PHACTR1: variants seen among roughly 807,000 people sequenced by gnomAD.
The protein encoded by PHACTR1 is phosphatase and actin regulator 1.
A neutral mutation model predicts 69.2 loss-of-function variants in PHACTR1; 16 were observed. That is an observed-to-expected ratio of 0.23 (90% confidence interval 0.16 to 0.35). The LOEUF is 0.35. Among genes scored for constraint, PHACTR1 ranks in the 10% least tolerant of loss-of-function variants. The pLI is 1.00. For synonymous variants in PHACTR1, 312 were observed against 284.5 expected, an observed-to-expected ratio of 1.10 and a Z score of -0.97; for missense variants, 510 against 734.7, an observed-to-expected ratio of 0.69 and a Z score of 3.54.
At position 13,283,700 on chromosome 6, in the gene PHACTR1, A is replaced by G; in HGVS notation, c.1650+138A>G. 1 of 1,269,940 alleles carries G rather than the reference A, an allele frequency of 7.9e-7. No homozygotes were observed. Among genetic ancestry groups the G allele is most frequent in the Non-Finnish European group, 1.1e-6 (1 of 896,990 alleles). The allele number at this position is 1,269,940 out of a possible 1,614,324, so 78.7% of individuals were successfully genotyped here. ...CCCATAATGGAGTGTTGAGACCCCA[A>G]CACCTTTCCCCAGGGGCCACAGATA... On this transcript the variant is annotated intron_variant, in intron 13 of 14. Transcript: ENST00000332995. The surrounding 1 kb of genome is among the most constrained non-coding windows in gnomAD (Gnocchi z 4.7).
intron 3 of PHACTR1, among the ~76,000 whole-genome samples, chr6:12,736,234 T>C (rs1246871506): frequency 2.6e-5 from 4 of 152,244 alleles, no homozygotes; most frequent in African/African-American, 9.6e-5. Flanking sequence ...TGGGTTATTA[T>C]AGTTAATGAT....
intron 5 of PHACTR1, among the ~76,000 whole-genome samples, chr6:13,148,583 T>TC (rs1206160382): frequency 1.3e-5 from 2 of 152,168 alleles, no homozygotes; most frequent in African/African-American, 2.4e-5. Flanking sequence ...TCCTTTTTTT[T>TC]CACATATACC....
chr6:13,048,676 C>T (rs1805474732), intron 4 of PHACTR1, among the ~76,000 whole-genome samples: 1 of 152,178 alleles, frequency 6.6e-6, no homozygotes, highest in Non-Finnish European at 1.5e-5. Flanking sequence ...GGATTACAGG[C>T]ACATGCCACC....
chr6:12,769,230 A>G (rs1769069897), intron 4 of PHACTR1, among the ~76,000 whole-genome samples: 1 of 152,234 alleles, frequency 6.6e-6, no homozygotes, highest in African/African-American at 2.4e-5. Context: ...TGTCACCACA[A>G]AAAAATAAGT....
At chr6:13,070,698 C>T (rs1809371324) in intron 5 of PHACTR1, among the ~76,000 whole-genome samples, 1 of 152,044 alleles carries the variant, frequency 6.6e-6, no homozygotes, top group Admixed American at 6.6e-5. Context: ...GAAATCTAAT[C>T]TCATTAAGAC....
chr6:13,076,181 C>A (rs2127785207), intron 5 of PHACTR1, among the ~76,000 whole-genome samples: 1 of 152,182 alleles, frequency 6.6e-6, no homozygotes, highest in South Asian at 2.1e-4. Flanking sequence ...CTAAATAAGA[C>A]ACAGTCACCC....
chr6:13,159,565 C>T (rs1462274885), intron 5 of PHACTR1, among the ~76,000 whole-genome samples: 1 of 152,192 alleles, frequency 6.6e-6, no homozygotes, highest in African/African-American at 2.4e-5. Context: ...AGTTCCTTTA[C>T]TCAATAGCGA....
chr6:13,132,605 G>C (rs896251045), intron 5 of PHACTR1, among the ~76,000 whole-genome samples: 1 of 151,908 alleles, frequency 6.6e-6, no homozygotes, highest in African/African-American at 2.4e-5. Context: ...TTTCAGTAAA[G>C]CAAGTCACAC....
intron 6 of PHACTR1, among the ~76,000 whole-genome samples, chr6:13,177,613 A>G (rs1761567508): frequency 6.6e-6 from 1 of 152,214 alleles, no homozygotes; most frequent in Non-Finnish European, 1.5e-5. Context: ...ATTTGAGAAA[A>G]TGTAATTGAA....
intron 4 of PHACTR1, among the ~76,000 whole-genome samples, chr6:12,961,168 A>C (rs1792671030): frequency 6.6e-6 from 1 of 152,226 alleles, no homozygotes; most frequent in African/African-American, 2.4e-5. Flanking sequence ...TAAAGAAGGC[A>C]GAGTGAAAAA....
In PHACTR1 at chr6:12,941,698, C is replaced by G. The variant is rs532873266; in HGVS notation, c.251-111667C>G. ...AATTATGGGTGTACGTCAGGACAGG[C>G]GAGCCTCGAAGCAGCATGAGTCAGG... On this transcript the variant is annotated intron_variant, in intron 4 of 14. Coordinates refer to ENST00000332995, the MANE Select transcript of PHACTR1 (RefSeq NM_030948.6). 7.0e-4 allele frequency among the ~76,000 whole-genome samples: 106 copies of G among 152,124 alleles called. 1 individual carries two copies. The highest frequency in any genetic ancestry group is 2.4e-3 in the African/African-American group (100 of 41,506).
chr6:13,021,691 G>T (rs977999173), intron 4 of PHACTR1, among the ~76,000 whole-genome samples: 3 of 152,128 alleles, frequency 2.0e-5, no homozygotes, highest in Non-Finnish European at 4.4e-5. Flanking sequence ...TCTGACATTT[G>T]TTATTATCTG....
At chr6:13,113,812 A>G (rs959760889) in intron 5 of PHACTR1, among the ~76,000 whole-genome samples, 4 of 152,200 alleles carry the variant, frequency 2.6e-5, no homozygotes, top group African/African-American at 7.2e-5. Flanking sequence ...AAAGGAAGGA[A>G]CCAACTACTA....
chr6:12,743,846 A>G (rs1331741830), intron 3 of PHACTR1, among the ~76,000 whole-genome samples: 1 of 152,148 alleles, frequency 6.6e-6, no homozygotes, highest in Non-Finnish European at 1.5e-5. Flanking sequence ...AAATCAACAG[A>G]ATATACATTC....
At chr6:12,945,344 G>A (rs1790560800) in intron 4 of PHACTR1, among the ~76,000 whole-genome samples, 1 of 152,148 alleles carries the variant, frequency 6.6e-6, no homozygotes, top group African/African-American at 2.4e-5. Flanking sequence ...GTTATTGCAT[G>A]TTTACTTATC....
intron 4 of PHACTR1, among the ~76,000 whole-genome samples, chr6:12,903,196 G>A (rs1230464856): frequency 6.6e-6 from 1 of 152,074 alleles, no homozygotes; most frequent in Non-Finnish European, 1.5e-5. Flanking sequence ...TTATAAGGTG[G>A]GAATGCCGTC....
At chr6:13,211,140 G>A (rs928727519) in intron 8 of PHACTR1, among the ~76,000 whole-genome samples, 26 of 151,780 alleles carry the variant, frequency 1.7e-4, no homozygotes, top group Admixed American at 1.4e-3. Flanking sequence ...TATTTCAATC[G>A]TTTTTGGGAA....
intron 4 of PHACTR1, among the ~76,000 whole-genome samples, chr6:12,895,661 A>T (rs887032410): frequency 1.3e-5 from 2 of 152,198 alleles, no homozygotes; most frequent in East Asian, 1.9e-4. Flanking sequence ...GCTACGGAGG[A>T]TTGCATACTC....
chr6:12,962,591 A>G (rs920104056), intron 4 of PHACTR1, among the ~76,000 whole-genome samples: 1 of 152,176 alleles, frequency 6.6e-6, no homozygotes, highest in Non-Finnish European at 1.5e-5. Flanking sequence ...TTGACTCTCT[A>G]GAGTATATTA....
Sources: allele counts gnomAD v4.1 joint callset (sites outside exome capture counted in the v4.1 genomes callset), GRCh38; gene constraint gnomAD v4.1.1; non-coding constraint Gnocchi (gnomAD v3.1); transcripts MANE v1.5; gene names NCBI Gene and HGNC (gene_info 2026-07-23, HGNC 2026-07-21).